CPVL: variants seen among roughly 807,000 people sequenced by gnomAD.
CPVL encodes the protein probable serine carboxypeptidase CPVL.
In CPVL, 51 loss-of-function variants were observed where a neutral mutation model predicts 63.7. The observed-to-expected ratio is 0.80, with a 90% CI of 0.64 to 1.01. CPVL has a LOEUF of 1.01. CPVL is among the 50% of genes least tolerant of loss of function. CPVL has a pLI of 0.00. For synonymous variants in CPVL, 195 were observed against 206.0 expected, an observed-to-expected ratio of 0.95 and a Z score of 0.46; for missense variants, 530 against 573.1, an observed-to-expected ratio of 0.92 and a Z score of 0.77.
At chr7:29,186,440 C>G (rs1798726732) in intron 2 of CPVL, 1 of 152,052 alleles carries the variant, frequency 6.6e-6, no homozygotes, top group South Asian at 2.1e-4. Flanking sequence ...AAAAAGCAGC[C>G]ACGTGCCTGT....
chr7:29,153,790 G>A (rs1278555371), intron 5 of CPVL, among the ~76,000 whole-genome samples: 2 of 152,016 alleles, frequency 1.3e-5, no homozygotes, highest in African/African-American at 2.4e-5. Flanking sequence ...GGCTGGTCTC[G>A]AACTCTTGGC....
At chr7:29,093,193 C>T (rs1786009837) in intron 5 of CPVL, among the ~76,000 whole-genome samples, 1 of 151,718 alleles carries the variant, frequency 6.6e-6, no homozygotes, top group South Asian at 2.1e-4. Context: ...TGAGACCAGC[C>T]TGGCGAAACC....
At chr7:29,153,860 G>A (rs931323129) in intron 5 of CPVL, among the ~76,000 whole-genome samples, 19 of 152,204 alleles carry the variant, frequency 1.2e-4, no homozygotes, top group Admixed American at 2.6e-4. Context: ...ATGAGCCACC[G>A]CACCTGGCCT....
intron 12 of CPVL, among the ~76,000 whole-genome samples, chr7:29,015,279 C>T (rs891399883): frequency 5.9e-5 from 9 of 152,198 alleles, no homozygotes; most frequent in African/African-American, 2.2e-4. Flanking sequence ...GCCACCATCA[C>T]CACATACCCC....
chr7:29,070,029 A>T (rs1055056177), intron 9 of CPVL, among the ~76,000 whole-genome samples: 1 of 152,186 alleles, frequency 6.6e-6, no homozygotes, highest in Non-Finnish European at 1.5e-5. Context: ...ACTGAAACAC[A>T]TTTCAACCAC....
At chr7:29,189,892 A>T (rs1418737626) in intron 1 of CPVL, among the ~76,000 whole-genome samples, 1 of 152,182 alleles carries the variant, frequency 6.6e-6, no homozygotes, top group Non-Finnish European at 1.5e-5. Flanking sequence ...GTGTGCCGCC[A>T]CTAGGGGTCC....
chr7:29,119,485 C>CAAAAAAAA (rs372819031), intron 2 of CPVL, among the ~76,000 whole-genome samples: 1 of 101,382 alleles, frequency 9.9e-6, no homozygotes. Context: ...GATTCTGTCT[C>CAAAAAAAA]AAAAAAAAAA....
chr7:29,124,599 CAAT>C (rs1484560453), intron 1 of CPVL, among the ~76,000 whole-genome samples: 1 of 151,836 alleles, frequency 6.6e-6, no homozygotes, highest in Non-Finnish European at 1.5e-5. Context: ...TAAAAATTGT[CAAT>C]AAATAAAATT....
At chr7:29,090,974 TA>T (rs1171657945) in intron 6 of CPVL, among the ~76,000 whole-genome samples, 1 of 152,202 alleles carries the variant, frequency 6.6e-6, no homozygotes, top group Non-Finnish European at 1.5e-5. Context: ...GCGACCCTCT[TA>T]TTCCAAACAC....
intron 10 of CPVL, among the ~76,000 whole-genome samples, chr7:29,064,542 A>G (rs1367414034): frequency 6.6e-6 from 1 of 152,190 alleles, no homozygotes; most frequent in African/African-American, 2.4e-5. Flanking sequence ...CACTAGAGGC[A>G]AAGAGAGAGA....
In CPVL at chr7:29,171,596, C is replaced by T. The variant is rs569620225; in HGVS notation, c.-11+9694G>A. On this transcript the variant is annotated intron_variant, in intron 5 of 16. Transcript: ENST00000409850. ...TTTTAACGTGGACCGGAAAGACAAA[C>T]TCTAATACCTTAAGGGGCACTATTA... Among the ~76,000 whole-genome samples, 5 of 152,236 alleles carry T rather than the reference C, an allele frequency of 3.3e-5. No homozygotes were observed. The South Asian group carries it at 1.0e-3, about 32-fold the overall frequency.
chr7:29,047,195 A>G (rs1175333480), intron 11 of CPVL, among the ~76,000 whole-genome samples: 2 of 152,168 alleles, frequency 1.3e-5, no homozygotes, highest in Non-Finnish European at 2.9e-5. Flanking sequence ...GTGTTGTTAG[A>G]GCACCCCAGG....
At chr7:29,178,657 T>C (rs1797685986) in intron 5 of CPVL, among the ~76,000 whole-genome samples, 1 of 152,236 alleles carries the variant, frequency 6.6e-6, no homozygotes, top group South Asian at 2.1e-4. Context: ...ACTTTGTTTA[T>C]TGTTATATTC....
At chr7:29,031,150 G>A (rs1787984022) in intron 11 of CPVL, among the ~76,000 whole-genome samples, 1 of 152,186 alleles carries the variant, frequency 6.6e-6, no homozygotes, top group South Asian at 2.1e-4. Flanking sequence ...TTCAGGCAGT[G>A]CAGTCGCTGG....
At chr7:29,104,230 A>C (rs1333337138) in intron 3 of CPVL, among the ~76,000 whole-genome samples, 1 of 152,178 alleles carries the variant, frequency 6.6e-6, no homozygotes, top group East Asian at 1.9e-4. Context: ...CCATGGCACC[A>C]TCATACAGAA....
chr7:29,001,127 T>A (rs567907710), intron 12 of CPVL: 28 of 152,172 alleles, frequency 1.8e-4, no homozygotes, highest in African/African-American at 6.7e-4. Flanking sequence ...ATGGAACCAA[T>A]AAAATCAGTG....
At chr7:28,994,772 G>A (rs968997411), downstream of CPVL, among the ~76,000 whole-genome samples, 7 of 152,250 alleles carry the variant, frequency 4.6e-5, no homozygotes, top group Middle Eastern at 6.8e-3. Flanking sequence ...ACTATTTGCC[G>A]CAAGAACAGG....
intron 1 of CPVL, among the ~76,000 whole-genome samples, chr7:29,145,386 A>G (rs1410126202): frequency 2.6e-5 from 4 of 152,000 alleles, no homozygotes; most frequent in African/African-American, 9.7e-5. Context: ...TACGTCCCTG[A>G]TGTCATCCAA....
At chr7:29,095,317 A>T (rs1006622795) in intron 4 of CPVL, among the ~76,000 whole-genome samples, 175 bp from the exon 5 acceptor site, 3 of 151,452 alleles carry the variant, frequency 2.0e-5, no homozygotes, top group Non-Finnish European at 2.9e-5. Flanking sequence ...TACCCTCCCC[A>T]CTCCTCTCCT....
Sources: gnomAD v4.1 joint callset for allele counts (sites outside exome capture counted in the v4.1 genomes callset) on GRCh38, gnomAD v4.1.1 for gene constraint, MANE v1.5 for transcripts, NCBI Gene and HGNC (gene_info 2026-07-23, HGNC 2026-07-21) for gene names.